LRRC4C: variants seen among roughly 807,000 people sequenced by gnomAD.
LRRC4C encodes leucine-rich repeat-containing protein 4C.
LRRC4C carries 5 observed loss-of-function variants against 33.6 expected under a neutral mutation model. The observed-to-expected ratio is 0.15, with a 90% CI of 0.08 to 0.31. The LOEUF (loss-of-function observed/expected upper bound fraction) is 0.31, where lower values mean the gene tolerates loss of function less well. Ranked by LOEUF, LRRC4C falls within the 10% of genes least tolerant of loss-of-function variation. The probability of loss-of-function intolerance (pLI) is 1.00; values close to 1 mark genes in which losing one functional copy is unlikely to be tolerated. For missense variants in LRRC4C, 560 were observed against 796.7 expected (o/e 0.70, Z 3.58); for synonymous variants, 329 against 302.0 (o/e 1.09, Z -0.93).
chr11:40,213,119 C>A (rs147731321), intron 5 of LRRC4C, among the ~76,000 whole-genome samples: 2 of 152,194 alleles, frequency 1.3e-5, no homozygotes, highest in African/African-American at 4.8e-5. Context: ...CAAATCTTGA[C>A]CCATTTCGCA....
At chr11:41,025,079 G>C (rs1232482001) in intron 1 of LRRC4C, among the ~76,000 whole-genome samples, 1 of 151,338 alleles carries the variant, frequency 6.6e-6, no homozygotes, top group Non-Finnish European at 1.5e-5. Flanking sequence ...CTGTTCCCTT[G>C]TCTTTCTCCC....
At chr11:40,436,821 C>T (rs1036955819) in intron 3 of LRRC4C, among the ~76,000 whole-genome samples, 1 of 152,128 alleles carries the variant, frequency 6.6e-6, no homozygotes, top group South Asian at 2.1e-4. Flanking sequence ...TTGAGGACTT[C>T]AACTACAGCT....
At chr11:40,591,819 C>A (rs989801905) in intron 3 of LRRC4C, among the ~76,000 whole-genome samples, 38 of 152,318 alleles carry the variant, frequency 2.5e-4, no homozygotes, top group African/African-American at 8.7e-4. Context: ...AAAAACAGAA[C>A]TTTAGCTCAA....
intron 1 of LRRC4C, among the ~76,000 whole-genome samples, chr11:41,086,441 T>C (rs1361946841): frequency 2.0e-5 from 3 of 152,144 alleles, no homozygotes; most frequent in Non-Finnish European, 4.4e-5. Context: ...TGCAAAAATA[T>C]TGTAAAACGT....
chr11:41,140,671 C>A (rs902468764), intron 1 of LRRC4C, among the ~76,000 whole-genome samples: 2 of 152,208 alleles, frequency 1.3e-5, no homozygotes, highest in African/African-American at 4.8e-5. Context: ...TTCTTCCCAG[C>A]CTTATTTGCT....
intron 1 of LRRC4C, among the ~76,000 whole-genome samples, chr11:41,326,914 T>G (rs1263404623): frequency 6.6e-6 from 1 of 152,232 alleles, no homozygotes; most frequent in Non-Finnish European, 1.5e-5. Context: ...AAATCTCTTA[T>G]ATATCATGGC....
intron 3 of LRRC4C, among the ~76,000 whole-genome samples, chr11:40,454,272 A>G (rs998272027): frequency 1.3e-5 from 2 of 152,100 alleles, no homozygotes; most frequent in Non-Finnish European, 1.5e-5. Context: ...ATATGATTTC[A>G]GAAAAGATTG....
intron 2 of LRRC4C, among the ~76,000 whole-genome samples, chr11:40,662,821 C>G (rs1354061768): frequency 6.6e-6 from 1 of 152,172 alleles, no homozygotes; most frequent in Non-Finnish European, 1.5e-5. Flanking sequence ...ATGGCACCTA[C>G]TTCATAGTAT....
At chr11:40,320,440 G>A (rs1481721702) in intron 3 of LRRC4C, among the ~76,000 whole-genome samples, 1 of 152,126 alleles carries the variant, frequency 6.6e-6, no homozygotes, top group Non-Finnish European at 1.5e-5. Flanking sequence ...TGGAGGCAGA[G>A]GCTTGCAGTG....
intron 1 of LRRC4C, among the ~76,000 whole-genome samples, chr11:41,211,960 G>T (rs895319725): frequency 6.6e-6 from 1 of 152,182 alleles, no homozygotes; most frequent in Non-Finnish European, 1.5e-5. Flanking sequence ...GTGTAAAAGT[G>T]TTCCTATTTC....
chr11:41,356,820 T>C (rs934053380), intron 1 of LRRC4C, among the ~76,000 whole-genome samples: 5 of 152,052 alleles, frequency 3.3e-5, no homozygotes, highest in Non-Finnish European at 7.4e-5. Context: ...AGCATGCCAA[T>C]TTTTTTACAT....
intron 1 of LRRC4C, among the ~76,000 whole-genome samples, chr11:41,249,408 T>C (rs1279357443): frequency 2.0e-5 from 3 of 152,214 alleles, no homozygotes; most frequent in Admixed American, 2.0e-4. Context: ...CTAGGTATTA[T>C]TTGGCATGTA....
At chr11:40,397,775 A>G (rs1949601127) in intron 3 of LRRC4C, among the ~76,000 whole-genome samples, 2 of 152,116 alleles carry the variant, frequency 1.3e-5, no homozygotes, top group South Asian at 4.1e-4. Context: ...GCAGAAGGCA[A>G]TGTCAGACAA....
chr11:40,828,595 C>A (rs34544698), intron 2 of LRRC4C, among the ~76,000 whole-genome samples: 10,367 of 151,840 alleles, frequency 0.068, 497 homozygotes, highest in East Asian at 0.16. Flanking sequence ...AAGTTTCATA[C>A]AAATGTGTCC....
Position 40,521,519 on chromosome 11 carries a change from C to G in LRRC4C, c.-270+126623G>C, listed in dbSNP as rs181543176. The stretch of plus-strand genomic sequence containing the variant: ...TATTGAATTCATATTACGTGACAAA[C>G]AATGAGAAATGCACAGAGACAATGA... On this transcript the variant is annotated intron_variant, in intron 3 of 6. Coordinates refer to ENST00000528697, the MANE Select transcript of LRRC4C (RefSeq NM_001258419.2). Among the ~76,000 whole-genome samples, 37 of 152,176 alleles carry G rather than the reference C, an allele frequency of 2.4e-4. No individual in the cohort carries two copies. In the East Asian group the frequency reaches 4.4e-3, roughly 18 times the overall value.
chr11:40,178,995 T>G (rs1860748794), intron 5 of LRRC4C, among the ~76,000 whole-genome samples: 1 of 127,938 alleles, frequency 7.8e-6, no homozygotes, highest in African/African-American at 2.8e-5. Context: ...TTATTTTTTT[T>G]TCTTAACTTT....
At chr11:40,310,953 T>C (rs1156852472) in intron 4 of LRRC4C, among the ~76,000 whole-genome samples, 2 of 152,246 alleles carry the variant, frequency 1.3e-5, no homozygotes, top group African/African-American at 2.4e-5. Flanking sequence ...TGATACACTG[T>C]ATGGCTCACC....
chr11:40,815,758 C>T (rs1297606407), intron 2 of LRRC4C, among the ~76,000 whole-genome samples: 1 of 152,128 alleles, frequency 6.6e-6, no homozygotes, highest in African/African-American at 2.4e-5. Context: ...TGACCTGCAC[C>T]TTCCTCTTTA....
At chr11:41,014,710 G>A (rs1462053485) in intron 1 of LRRC4C, among the ~76,000 whole-genome samples, 1 of 152,028 alleles carries the variant, frequency 6.6e-6, no homozygotes, top group African/African-American at 2.4e-5. Context: ...CCTCCCACAA[G>A]TCTGTGGACC....
Sources: allele counts gnomAD v4.1 joint callset (sites outside exome capture counted in the v4.1 genomes callset), GRCh38; gene constraint gnomAD v4.1.1; transcripts MANE v1.5; gene names NCBI Gene and HGNC (gene_info 2026-07-23, HGNC 2026-07-21).